Variants in CSNK1G1 observed in about 807,000 individuals in gnomAD.
The protein encoded by CSNK1G1 is casein kinase 1 gamma 1, also known as casein kinase I isoform gamma-1.
A neutral mutation model predicts 59.6 loss-of-function variants in CSNK1G1; 22 were observed. That is an observed-to-expected ratio of 0.37 (90% confidence interval 0.26 to 0.53). The LOEUF is 0.53. CSNK1G1 is among the 20% of genes least tolerant of loss of function. The pLI is 0.89. For synonymous variants in CSNK1G1, 179 were observed against 177.1 expected (o/e 1.01, Z -0.08); for missense variants, 384 against 519.5 (o/e 0.74, Z 2.54).
chr15:64,195,396 C>T (rs554778587), intron 10 of CSNK1G1, among the ~76,000 whole-genome samples: 5 of 152,240 alleles, frequency 3.3e-5, no homozygotes, highest in South Asian at 2.1e-4. Flanking sequence ...AAAAAGGAGA[C>T]GCTATCATAA....
intron 2 of CSNK1G1, among the ~76,000 whole-genome samples, chr15:64,287,707 G>C (rs1168426641): frequency 1.3e-5 from 2 of 152,150 alleles, no homozygotes; most frequent in African/African-American, 2.4e-5. Flanking sequence ...CTTTTATGAA[G>C]ATGGTTAAAG....
At chr15:64,212,505 A>G (rs2082260547) in intron 6 of CSNK1G1, among the ~76,000 whole-genome samples, 1 of 152,030 alleles carries the variant, frequency 6.6e-6, no homozygotes, top group Non-Finnish European at 1.5e-5. Context: ...TCTTGAAACC[A>G]GGAGTTTGAG....
chr15:64,226,113 TCA>T (rs969513130), intron 4 of CSNK1G1, among the ~76,000 whole-genome samples: 3 of 152,238 alleles, frequency 2.0e-5, no homozygotes, highest in Non-Finnish European at 2.9e-5. Context: ...CTTGGACAAC[TCA>T]CAGTCAAGAC....
intron 1 of CSNK1G1, among the ~76,000 whole-genome samples, chr15:64,305,052 T>G: frequency 6.6e-6 from 1 of 152,172 alleles, no homozygotes; most frequent in Non-Finnish European, 1.5e-5. Flanking sequence ...TCTTTCTCCT[T>G]ATAAGTCTTT....
At chr15:64,270,219 C>T (rs935643011) in intron 2 of CSNK1G1, among the ~76,000 whole-genome samples, 3 of 152,020 alleles carry the variant, frequency 2.0e-5, no homozygotes, top group South Asian at 2.1e-4. Flanking sequence ...TAGCTAGTGG[C>T]CTATTTATCA....
chr15:64,220,355 A>G (rs895146914), intron 4 of CSNK1G1, among the ~76,000 whole-genome samples: 5 of 152,000 alleles, frequency 3.3e-5, no homozygotes, highest in South Asian at 2.1e-4. Flanking sequence ...TCAGCCTCCC[A>G]AAGTGCTGGT....
chr15:64,295,650 G>C (rs1894979880), intron 2 of CSNK1G1, among the ~76,000 whole-genome samples: 1 of 152,172 alleles, frequency 6.6e-6, no homozygotes, highest in Non-Finnish European at 1.5e-5. Flanking sequence ...TCTTGGGAGA[G>C]AGAAATGGAA....
chr15:64,326,541 G>A (rs1205523645), intron 1 of CSNK1G1, among the ~76,000 whole-genome samples: 2 of 152,036 alleles, frequency 1.3e-5, no homozygotes, highest in Non-Finnish European at 2.9e-5. Flanking sequence ...CCACTCAGGA[G>A]GCCGAAGCAG....
At position 64,171,622 on chromosome 15, in the gene CSNK1G1, G is replaced by C. The variant is rs905630885; in HGVS notation, c.*309C>G. Reference sequence around the variant, plus strand: ...GGGAAGAAGGAGAATAGCAGTCCTTGAGTTTTTGTGAATGACACCTTCACT... The same window carrying C: ...GGGAAGAAGGAGAATAGCAGTCCTTCAGTTTTTGTGAATGACACCTTCACT... On this transcript the variant is annotated 3_prime_UTR_variant, in exon 12 of 12. Transcript: ENST00000303052. The surrounding 1 kb of genome is among the most constrained non-coding windows in gnomAD (Gnocchi z 4.8). 4.7e-6 allele frequency: 2 copies of C among 426,152 alleles called. No individual in the cohort carries two copies. Among genetic ancestry groups the C allele is most frequent in the African/African-American group, 4.0e-5 (2 of 50,072 alleles). 26.4% of individuals were successfully genotyped at this position (426,152 alleles called of 1,614,324 possible).
At chr15:64,330,375 G>A (rs1486078076) in intron 1 of CSNK1G1, among the ~76,000 whole-genome samples, 3 of 151,304 alleles carry the variant, frequency 2.0e-5, no homozygotes, top group East Asian at 3.9e-4. Flanking sequence ...TTCAATATAC[G>A]CAAAGCAATA....
intron 4 of CSNK1G1, among the ~76,000 whole-genome samples, chr15:64,217,699 C>A (rs1020734444): frequency 2.0e-5 from 3 of 151,790 alleles, no homozygotes; most frequent in Non-Finnish European, 4.4e-5. Context: ...ACCTATAGTC[C>A]CAGCTACTCA....
intron 2 of CSNK1G1, among the ~76,000 whole-genome samples, chr15:64,279,331 T>C (rs947232772): frequency 2.0e-5 from 3 of 152,228 alleles, no homozygotes; most frequent in Admixed American, 1.3e-4. Flanking sequence ...ACTGCTATTG[T>C]AGGAAATCAC....
intron 1 of CSNK1G1, among the ~76,000 whole-genome samples, chr15:64,322,511 G>A (rs1169924843): frequency 6.6e-6 from 1 of 151,166 alleles, no homozygotes; most frequent in Non-Finnish European, 1.5e-5. Flanking sequence ...CCCAAAGCAA[G>A]TTTTTAATCT....
chr15:64,286,834 A>C (rs1894449082), intron 2 of CSNK1G1, among the ~76,000 whole-genome samples: 1 of 152,142 alleles, frequency 6.6e-6, no homozygotes, highest in Non-Finnish European at 1.5e-5. Context: ...CACAATAATT[A>C]ATTTACCAAT....
chr15:64,303,277 TTAAAAATATTAAAAATTAAATTA>T (rs953373365), intron 1 of CSNK1G1, among the ~76,000 whole-genome samples: 13 of 120,360 alleles, frequency 1.1e-4, no homozygotes, highest in African/African-American at 3.1e-4. Context: ...AAAATTAAAT[TTAAAAATATTAAAAATTAAATTA>T]AAAAAAAAAA....
At chr15:64,250,967 CT>C (rs1176931528) in intron 4 of CSNK1G1, among the ~76,000 whole-genome samples, 2 of 152,028 alleles carry the variant, frequency 1.3e-5, no homozygotes, top group Non-Finnish European at 2.9e-5. Context: ...GAAATTAGAG[CT>C]TTTTGGTAAA....
rs1895732538 is a variant in CSNK1G1, at chr15:64,307,330, G to C, written c.-224-6607C>G. On this transcript the variant is annotated intron_variant, in intron 1 of 11. Transcript: ENST00000303052. ...CCCAAAAAATCTAAAAATAAAGCCT[G>C]TTAATTAAAGTAATAATTCTATCTA... Among the ~76,000 whole-genome samples, 3 of 152,046 alleles carry C rather than the reference G, an allele frequency of 2.0e-5. No individual in the cohort carries two copies. The South Asian group carries it at 6.2e-4, about 32-fold the overall frequency.
intron 7 of CSNK1G1, among the ~76,000 whole-genome samples, chr15:64,207,085 G>GGA (rs1179722542): frequency 3.3e-5 from 5 of 152,116 alleles, no homozygotes; most frequent in African/African-American, 9.7e-5. Context: ...GTCAAGCCTG[G>GGA]GAGGAAATGA....
rs544367937 is a variant in CSNK1G1, at chr15:64,308,206, T to G, written c.-224-7483A>C. ...CCTTCAGATCCCTTACTTTTTTCAGTGAAAACAACTAATCTCAATTTCATA... is the reference window on the plus strand; with the variant it reads ...CCTTCAGATCCCTTACTTTTTTCAGGGAAAACAACTAATCTCAATTTCATA... On this transcript the variant is annotated intron_variant, in intron 1 of 11. Transcript: ENST00000303052. 5.9e-5 allele frequency among the ~76,000 whole-genome samples: 9 copies of G among 152,326 alleles called. No individual in the cohort carries two copies. In the East Asian group the frequency reaches 1.7e-3, roughly 29 times the overall value.
Sources: gnomAD v4.1 joint callset for allele counts (sites outside exome capture counted in the v4.1 genomes callset) on GRCh38, gnomAD v4.1.1 for gene constraint, Gnocchi (gnomAD v3.1) non-coding constraint, MANE v1.5 for transcripts, NCBI Gene and HGNC (gene_info 2026-07-23, HGNC 2026-07-21) for gene names.